Variants in SAMD3 observed in about 807,000 individuals in gnomAD.
The protein encoded by SAMD3 is sterile alpha motif domain containing 3, also known as sterile alpha motif domain-containing protein 3.
A neutral mutation model predicts 58.5 loss-of-function variants in SAMD3; 63 were observed. That is an observed-to-expected ratio of 1.08 (90% confidence interval 0.88 to 1.33). SAMD3 has a LOEUF of 1.33. SAMD3 is among the 40% of genes most tolerant of loss of function. SAMD3 has a pLI of 0.00. For synonymous variants in SAMD3, 220 were observed against 210.3 expected, an observed-to-expected ratio of 1.05 and a Z score of -0.40; for missense variants, 604 against 608.4, an observed-to-expected ratio of 0.99 and a Z score of 0.08.
intron 8 of SAMD3, chr6:130,160,982 A>G (rs1790232694): frequency 6.6e-6 from 1 of 152,126 alleles, no homozygotes; most frequent in African/African-American, 2.4e-5. Context: ...AAAAAAAAAC[A>G]AGCAAAACTA....
intron 5 of SAMD3, among the ~76,000 whole-genome samples, chr6:130,205,278 A>C (rs982591148): frequency 6.6e-6 from 1 of 151,096 alleles, no homozygotes; most frequent in Non-Finnish European, 1.5e-5. Context: ...ACACATCCCA[A>C]GTTCTATTTT....
At chr6:130,155,221 TATA>T (rs1274175475) in intron 8 of SAMD3, among the ~76,000 whole-genome samples, 196 bp from the exon 9 acceptor site, 1 of 152,224 alleles carries the variant, frequency 6.6e-6, no homozygotes, top group Non-Finnish European at 1.5e-5. Flanking sequence ...ATCATGGAAT[TATA>T]ATCTATTCTC....
chr6:130,336,095 C>T (rs879551440), intron 1 of SAMD3, among the ~76,000 whole-genome samples: 15 of 152,102 alleles, frequency 9.9e-5, no homozygotes, highest in African/African-American at 3.6e-4. Context: ...AGCACACCAG[C>T]ATGGCACATG....
At chr6:130,160,509 A>G (rs1473867022) in intron 8 of SAMD3, 2 of 152,234 alleles carry the variant, frequency 1.3e-5, no homozygotes, top group Admixed American at 6.5e-5. Flanking sequence ...GGATAATAGA[A>G]TTTGAAAGAA....
At chr6:130,215,390 T>A (rs370811723) in intron 2 of SAMD3, 96 bp from the exon 3 acceptor site, 1 of 1,256,832 alleles carries the variant, frequency 8.0e-7, no homozygotes, top group African/African-American at 1.5e-5. Context: ...GCTAGACTCC[T>A]TTATCTTCTC....
At chr6:130,286,124 A>G (rs760043971) in intron 2 of SAMD3, 1 of 152,250 alleles carries the variant, frequency 6.6e-6, no homozygotes, top group African/African-American at 2.4e-5. Context: ...TTAGGATCAG[A>G]TAGTGATAAG....
At chr6:130,319,112 A>G (rs1032156995) in intron 1 of SAMD3, among the ~76,000 whole-genome samples, 1 of 152,202 alleles carries the variant, frequency 6.6e-6, no homozygotes, top group Admixed American at 6.5e-5. Context: ...AAGAAGGAAA[A>G]AATCCTGAAC....
In SAMD3 at chr6:130,316,305, A is replaced by G. The variant is rs559669228; in HGVS notation, c.-303-3212T>C. 8.2e-3 allele frequency among the ~76,000 whole-genome samples: 1,234 copies of G among 150,870 alleles called. 20 individuals carry two copies. The highest frequency in any genetic ancestry group is 0.029 in the African/African-American group (1,176 of 41,006). ...GGCTGTCTTAAAAAAAAAAAAAAAA[A>G]AAAAAAGAATGGAATATTAGGAAGA... On this transcript the variant is annotated intron_variant, in intron 1 of 13. Coordinates refer to the SAMD3 transcript ENST00000368134.
intron 8 of SAMD3, among the ~76,000 whole-genome samples, chr6:130,174,238 G>A (rs929836545): frequency 6.6e-6 from 1 of 152,166 alleles, no homozygotes. Flanking sequence ...AAATAGTCCT[G>A]CAGCTAGCTC....
chr6:130,289,785 C>A (rs367737645), intron 2 of SAMD3, among the ~76,000 whole-genome samples: 1 of 152,216 alleles, frequency 6.6e-6, no homozygotes, highest in Admixed American at 6.5e-5. Flanking sequence ...TAGGTGTGAA[C>A]CACCGTGCCC....
intron 1 of SAMD3, among the ~76,000 whole-genome samples, chr6:130,321,323 A>G (rs962635287): frequency 6.6e-6 from 1 of 152,112 alleles, no homozygotes; most frequent in African/African-American, 2.4e-5. Flanking sequence ...TGGCCATGTG[A>G]GTGAGCTTGG....
At chr6:130,301,756 T>C (rs1775756681) in intron 2 of SAMD3, among the ~76,000 whole-genome samples, 1 of 151,884 alleles carries the variant, frequency 6.6e-6, no homozygotes, top group African/African-American at 2.4e-5. Flanking sequence ...ACCAGACACA[T>C]AGATCAGTGG....
At chr6:130,255,623 C>T (rs1229420804) in intron 2 of SAMD3, among the ~76,000 whole-genome samples, 1 of 151,956 alleles carries the variant, frequency 6.6e-6, no homozygotes, top group Non-Finnish European at 1.5e-5. Context: ...ATCTTTTTCC[C>T]TACTTTTGGT....
intron 8 of SAMD3, among the ~76,000 whole-genome samples, chr6:130,165,656 C>T (rs1195717108): frequency 2.6e-5 from 4 of 151,904 alleles, no homozygotes; most frequent in Non-Finnish European, 4.4e-5. Context: ...GAATCACTGG[C>T]TATTATCAAA....
At chr6:130,330,209 G>A (rs879678255) in intron 1 of SAMD3, among the ~76,000 whole-genome samples, 4 of 152,154 alleles carry the variant, frequency 2.6e-5, no homozygotes, top group Admixed American at 6.6e-5. Context: ...CCCAGAAGAT[G>A]AGAGGATATT....
intron 1 of SAMD3, among the ~76,000 whole-genome samples, chr6:130,361,105 C>T (rs1051239916): frequency 3.3e-5 from 5 of 151,998 alleles, no homozygotes; most frequent in African/African-American, 1.2e-4. Context: ...AACATATATC[C>T]TCCTCAGCTT....
At chr6:130,215,490 A>C in intron 2 of SAMD3, 196 bp from the exon 3 acceptor site, 1 of 1,339,926 alleles carries the variant, frequency 7.5e-7, no homozygotes, top group South Asian at 2.2e-5. Context: ...ATAAGACCTG[A>C]TTTAAACCTA....
intron 2 of SAMD3, among the ~76,000 whole-genome samples, chr6:130,302,649 T>C (rs1222691838): frequency 6.6e-6 from 1 of 152,210 alleles, no homozygotes; most frequent in Non-Finnish European, 1.5e-5. Flanking sequence ...TCAGCAGTAT[T>C]CACAATTGCA....
intron 5 of SAMD3, among the ~76,000 whole-genome samples, chr6:130,192,088 G>A (rs1177977063): frequency 6.6e-6 from 1 of 152,152 alleles, no homozygotes; most frequent in Non-Finnish European, 1.5e-5. Flanking sequence ...CACCTGGCCT[G>A]GTCCAACACT....
Sources: gnomAD v4.1 joint callset for allele counts (sites outside exome capture counted in the v4.1 genomes callset) on GRCh38, gnomAD v4.1.1 for gene constraint, MANE v1.5 for transcripts, NCBI Gene and HGNC (gene_info 2026-07-23, HGNC 2026-07-21) for gene names.